CDC123: variants seen among roughly 807,000 people sequenced by gnomAD.
CDC123 encodes the protein cell division cycle 123, also known as translation initiation factor eIF2 assembly protein.
In CDC123, 37 loss-of-function variants were observed where a neutral mutation model predicts 54.4. That is an observed-to-expected ratio of 0.68 (90% CI 0.52 to 0.89). The LOEUF (loss-of-function observed/expected upper bound fraction) is 0.89, where lower values mean the gene tolerates loss of function less well. Among genes scored for constraint, CDC123 ranks in the 40% least tolerant of loss-of-function variants. The pLI is 0.00. For synonymous variants in CDC123, 144 were observed against 136.8 expected (o/e 1.05, Z -0.37); for missense variants, 361 against 412.1 (o/e 0.88, Z 1.07).
At chr10:12,237,410 A>T in intron 9 of CDC123, 144 bp downstream of exon 9, 1 of 585,262 alleles carries the variant, frequency 1.7e-6, no homozygotes, top group South Asian at 7.5e-5. Context: ...GTTATTTTTG[A>T]TAGTTTGTAT....
intron 11 of CDC123, chr10:12,246,512 GCTT>G (rs1212178960): frequency 7.6e-6 from 3 of 393,630 alleles, no homozygotes; most frequent in Non-Finnish European, 1.4e-5. Flanking sequence ...CTTTTTCTGA[GCTT>G]CTTCTGTCAC....
intron 6 of CDC123, among the ~76,000 whole-genome samples, chr10:12,229,961 A>G (rs1424159224): frequency 6.7e-6 from 1 of 149,402 alleles, no homozygotes; most frequent in African/African-American, 2.6e-5. Flanking sequence ...AACGTGGACA[A>G]TGACAGTGCC....
intron 2 of CDC123, among the ~76,000 whole-genome samples, chr10:12,205,654 C>T (rs1835508889): frequency 6.6e-6 from 1 of 152,198 alleles, no homozygotes; most frequent in Non-Finnish European, 1.5e-5. Context: ...TGTCTGCCTG[C>T]CTCTAGAGCC....
At chr10:12,197,613 G>A (rs1393816409) in intron 1 of CDC123, among the ~76,000 whole-genome samples, 1 of 150,586 alleles carries the variant, frequency 6.6e-6, no homozygotes, top group African/African-American at 2.4e-5. Flanking sequence ...GCCTGACCTC[G>A]TGATCCGCCC....
At chr10:12,227,437 T>C (rs1165514752) in intron 6 of CDC123, among the ~76,000 whole-genome samples, 1 of 152,214 alleles carries the variant, frequency 6.6e-6, no homozygotes, top group African/African-American at 2.4e-5. Flanking sequence ...ATGTAGATTA[T>C]CTAATCTAAA....
intron 6 of CDC123, among the ~76,000 whole-genome samples, chr10:12,226,872 G>A (rs1168906496): frequency 2.0e-5 from 3 of 152,176 alleles, no homozygotes; most frequent in Non-Finnish European, 4.4e-5. Context: ...GGCAGAGGCT[G>A]CAATCTCGGC....
chr10:12,224,922 T>C (rs1287184093), intron 6 of CDC123, among the ~76,000 whole-genome samples: 1 of 152,154 alleles, frequency 6.6e-6, no homozygotes, highest in Non-Finnish European at 1.5e-5. Context: ...CTGAAGGCTA[T>C]GCTTGGGGTC....
chr10:12,249,781 T>C (rs1836216152), intron 12 of CDC123, 63 bp downstream of exon 12: 1 of 1,521,820 alleles, frequency 6.6e-7, no homozygotes, highest in South Asian at 1.3e-5. Flanking sequence ...AATTGGCTTT[T>C]ATATAATATT....
chr10:12,228,702 C>CT (rs1835860787), intron 6 of CDC123, among the ~76,000 whole-genome samples: 1 of 152,132 alleles, frequency 6.6e-6, no homozygotes, highest in Admixed American at 6.5e-5. Flanking sequence ...TCCCATGTAG[C>CT]TGGGATTACA....
At chr10:12,205,957 C>A (rs551130081) in intron 2 of CDC123, among the ~76,000 whole-genome samples, 70 of 150,240 alleles carry the variant, frequency 4.7e-4, no homozygotes, top group African/African-American at 1.6e-3. Flanking sequence ...TGCGACCACG[C>A]CCAGCTAATT....
chr10:12,226,995 T>C (rs7897432), intron 6 of CDC123, among the ~76,000 whole-genome samples: 70,581 of 152,020 alleles, frequency 0.46, 18,185 homozygotes, highest in Middle Eastern at 0.62. Context: ...AGACTCCGTC[T>C]GCAATCCCGG....
chr10:12,231,713 T>G (rs111873680), intron 7 of CDC123, among the ~76,000 whole-genome samples: 3,611 of 151,934 alleles, frequency 0.024, 143 homozygotes, highest in African/African-American at 0.083. Context: ...TAAGCCTCAA[T>G]TTTTATTCCA....
chr10:12,211,673 A>G (rs867933478), intron 4 of CDC123, among the ~76,000 whole-genome samples: 76 of 152,366 alleles, frequency 5.0e-4, no homozygotes, highest in African/African-American at 1.8e-3. Context: ...GGGAAAGGTG[A>G]CACAGGCAGG....
At chr10:12,240,007 C>CAAA (rs34192186) in intron 10 of CDC123, among the ~76,000 whole-genome samples, 1 of 101,694 alleles carries the variant, frequency 9.8e-6, no homozygotes, top group Non-Finnish European at 2.0e-5. Context: ...GACTCCGTCT[C>CAAA]AAAAAAAAAA....
At chr10:12,231,957 T>C (rs1835907465) in intron 7 of CDC123, among the ~76,000 whole-genome samples, 1 of 152,124 alleles carries the variant, frequency 6.6e-6, no homozygotes, top group African/African-American at 2.4e-5. Context: ...GCAATTCTCC[T>C]GCCTCAGCCT....
intron 4 of CDC123, among the ~76,000 whole-genome samples, chr10:12,215,026 C>T (rs559343464): frequency 3.2e-4 from 48 of 152,150 alleles, no homozygotes; most frequent in South Asian, 6.2e-4. Flanking sequence ...GACCTAGGCT[C>T]AAGGCAGGAC....
intron 1 of CDC123, among the ~76,000 whole-genome samples, chr10:12,197,585 G>A (rs1393880602): frequency 6.6e-6 from 1 of 151,748 alleles, no homozygotes; most frequent in Admixed American, 6.6e-5. Flanking sequence ...CACCGTGTTA[G>A]CCAGGATGGT....
intron 4 of CDC123, among the ~76,000 whole-genome samples, chr10:12,211,844 G>A (rs950316504): frequency 6.6e-6 from 1 of 152,144 alleles, no homozygotes; most frequent in South Asian, 2.1e-4. Context: ...CGCGGTGGCC[G>A]ATGCCTGTAA....
At chr10:12,222,258 A>C (rs1835746993) in intron 6 of CDC123, among the ~76,000 whole-genome samples, 1 of 152,240 alleles carries the variant, frequency 6.6e-6, no homozygotes. Context: ...TCTAGAAAAT[A>C]CTGCTTTTTT....
Sources: allele counts gnomAD v4.1 joint callset (sites outside exome capture counted in the v4.1 genomes callset), GRCh38; gene constraint gnomAD v4.1.1; transcripts MANE v1.5; gene names NCBI Gene and HGNC (gene_info 2026-07-23, HGNC 2026-07-21).